VAV3: variants seen among roughly 807,000 people sequenced by gnomAD.
The protein encoded by VAV3 is guanine nucleotide exchange factor VAV3.
Under a neutral mutation model 131.2 loss-of-function variants are expected in VAV3, and 94 were observed. That is an observed-to-expected ratio of 0.72 (90% CI 0.61 to 0.85). VAV3 has a LOEUF of 0.85. VAV3 is among the 40% of genes least tolerant of loss of function. The pLI is 0.00. For missense variants in VAV3, 939 were observed against 1,002.7 expected, an observed-to-expected ratio of 0.94 and a Z score of 0.86; for synonymous variants, 349 against 342.0, an observed-to-expected ratio of 1.02 and a Z score of -0.22.
At chr1:107,661,174 A>C (rs1656983945) in intron 19 of VAV3, among the ~76,000 whole-genome samples, 1 of 152,180 alleles carries the variant, frequency 6.6e-6, no homozygotes, top group Non-Finnish European at 1.5e-5. Context: ...ATTTAACAAA[A>C]GTTTCTGCCC....
intron 25 of VAV3, among the ~76,000 whole-genome samples, chr1:107,585,269 C>T (rs1372817225): frequency 6.6e-6 from 1 of 152,288 alleles, no homozygotes; most frequent in Non-Finnish European, 1.5e-5. Flanking sequence ...TATATGGCTA[C>T]GTGCTGTTCC....
At chr1:107,917,634 G>A (rs995056599) in intron 1 of VAV3, among the ~76,000 whole-genome samples, 4 of 152,190 alleles carry the variant, frequency 2.6e-5, no homozygotes, top group Non-Finnish European at 5.9e-5. Context: ...TGAAGTTACA[G>A]AAGAACAGTC....
chr1:107,639,561 G>A (rs1324155164), intron 20 of VAV3, among the ~76,000 whole-genome samples: 1 of 151,994 alleles, frequency 6.6e-6, no homozygotes, highest in Non-Finnish European at 1.5e-5. Context: ...TGGTAAACAA[G>A]CACACAAAAA....
At chr1:107,775,811 C>T (rs1458748909) in intron 4 of VAV3, among the ~76,000 whole-genome samples, 1 of 152,048 alleles carries the variant, frequency 6.6e-6, no homozygotes, top group East Asian at 1.9e-4. Context: ...AAAGATCATT[C>T]TCAAGGCCAC....
chr1:107,857,387 T>C (rs1236050418), intron 2 of VAV3, among the ~76,000 whole-genome samples: 1 of 152,200 alleles, frequency 6.6e-6, no homozygotes, highest in African/African-American at 2.4e-5. Context: ...TGTGGTGGTG[T>C]GAATTAAAAC....
chr1:107,808,262 C>G (rs1368416096), intron 2 of VAV3, among the ~76,000 whole-genome samples: 1 of 151,978 alleles, frequency 6.6e-6, no homozygotes, highest in African/African-American at 2.4e-5. Flanking sequence ...TATTATTGAA[C>G]ACAGAAATGA....
At chr1:107,658,026 C>T (rs967545093) in intron 19 of VAV3, among the ~76,000 whole-genome samples, 20 of 152,092 alleles carry the variant, frequency 1.3e-4, no homozygotes, top group Admixed American at 2.6e-4. Flanking sequence ...CAATAAATGC[C>T]ATTTTGCCTC....
chr1:107,952,084 T>C (rs1674563322), intron 1 of VAV3, among the ~76,000 whole-genome samples: 1 of 152,150 alleles, frequency 6.6e-6, no homozygotes, highest in Non-Finnish European at 1.5e-5. Flanking sequence ...TGTCCATCAG[T>C]GATAGACTGG....
chr1:107,833,282 G>C (rs945502344), intron 2 of VAV3, among the ~76,000 whole-genome samples: 1 of 152,016 alleles, frequency 6.6e-6, no homozygotes, highest in Admixed American at 6.6e-5. Flanking sequence ...GGATAGATCA[G>C]ATCAGCCACA....
intron 15 of VAV3, among the ~76,000 whole-genome samples, chr1:107,748,116 T>C (rs767065198): frequency 1.3e-5 from 2 of 152,346 alleles, no homozygotes; most frequent in South Asian, 4.1e-4. Context: ...CTAGTTTACA[T>C]TAACATGAGC....
At chr1:107,588,024 T>G (rs1650640048) in intron 25 of VAV3, among the ~76,000 whole-genome samples, 1 of 152,216 alleles carries the variant, frequency 6.6e-6, no homozygotes, top group South Asian at 2.1e-4. Flanking sequence ...AAGATAGCAC[T>G]GAATGAGGTT....
At chr1:107,962,721 T>C (rs940759246) in intron 1 of VAV3, among the ~76,000 whole-genome samples, 1 of 152,160 alleles carries the variant, frequency 6.6e-6, no homozygotes, top group African/African-American at 2.4e-5. Flanking sequence ...CACCCTCTCA[T>C]AGGACATTAC....
At chr1:107,896,085 A>G (rs1437740339) in intron 1 of VAV3, among the ~76,000 whole-genome samples, 1 of 152,192 alleles carries the variant, frequency 6.6e-6, no homozygotes, top group African/African-American at 2.4e-5. Context: ...AAGCACCTGC[A>G]GGATTCTAAT....
intron 2 of VAV3, among the ~76,000 whole-genome samples, chr1:107,867,748 T>C (rs75110713): frequency 1.0e-3 from 152 of 152,244 alleles, no homozygotes; most frequent in African/African-American, 3.5e-3. Flanking sequence ...GAGCCAGCTC[T>C]AGGCTGGAAG....
chr1:107,914,527 T>G (rs1257915593), intron 1 of VAV3, among the ~76,000 whole-genome samples: 2 of 152,212 alleles, frequency 1.3e-5, no homozygotes, highest in African/African-American at 2.4e-5. Context: ...GAGGATTAAG[T>G]GAGCTAATGC....
chr1:107,687,780 T>C lies in VAV3; in HGVS notation c.1731+601A>G, dbSNP rs575989364. The stretch of plus-strand genomic sequence containing the variant: ...TTCCTACATATCCCATCATCTTCTG[T>C]ATTTTTTTAAATAACTTTTTTTTGG... On this transcript the variant is annotated intron_variant, in intron 18 of 26. Coordinates refer to ENST00000370056, the MANE Select transcript of VAV3 (RefSeq NM_006113.5). Among the ~76,000 whole-genome samples the C allele has an allele frequency of 3.3e-5, 5 of 152,318 alleles. No homozygotes were observed. In the East Asian group the frequency reaches 9.6e-4, roughly 29 times the overall value.
At chr1:107,626,887 CT>C (rs1654060767) in intron 20 of VAV3, among the ~76,000 whole-genome samples, 1 of 152,182 alleles carries the variant, frequency 6.6e-6, no homozygotes, top group Non-Finnish European at 1.5e-5. Flanking sequence ...TTCTTTGACT[CT>C]GATGATGATG....
chr1:107,787,896 C>A (rs1666103792), intron 2 of VAV3, among the ~76,000 whole-genome samples: 3 of 152,068 alleles, frequency 2.0e-5, no homozygotes, highest in Admixed American at 2.0e-4. Context: ...TCTGAAGACC[C>A]CAAACAGAGC....
At chr1:107,649,719 GC>G (rs1656016096) in intron 19 of VAV3, among the ~76,000 whole-genome samples, 1 of 152,090 alleles carries the variant, frequency 6.6e-6, no homozygotes, top group African/African-American at 2.4e-5. Context: ...ATGATTAAGG[GC>G]ACTTTGCAAG....
Sources: allele counts gnomAD v4.1 joint callset (sites outside exome capture counted in the v4.1 genomes callset), GRCh38; gene constraint gnomAD v4.1.1; transcripts MANE v1.5; gene names NCBI Gene and HGNC (gene_info 2026-07-23, HGNC 2026-07-21).